The following CDK6 variants were observed in gnomAD, a reference collection of about 807,000 sequenced individuals.
The protein encoded by CDK6 is cyclin dependent kinase 6.
Under a neutral mutation model 37.1 loss-of-function variants are expected in CDK6, and 6 were observed. That is an observed-to-expected ratio of 0.16 (90% CI 0.09 to 0.32). The LOEUF is 0.32. Among genes scored for constraint, CDK6 ranks in the 10% least tolerant of loss-of-function variants. CDK6 has a pLI of 1.00. For missense variants in CDK6, 224 were observed against 418.9 expected, an observed-to-expected ratio of 0.53 and a Z score of 4.06; for synonymous variants, 160 against 161.3, an observed-to-expected ratio of 0.99 and a Z score of 0.06.
chr7:92,679,506 C>G (rs762716355), intron 4 of CDK6, among the ~76,000 whole-genome samples: 2 of 152,166 alleles, frequency 1.3e-5, no homozygotes, highest in Admixed American at 1.3e-4. Context: ...AATGGTTTAT[C>G]AGGAATATAA....
At chr7:92,787,980 T>C (rs1205415197) in intron 2 of CDK6, among the ~76,000 whole-genome samples, 1 of 152,162 alleles carries the variant, frequency 6.6e-6, no homozygotes, top group Non-Finnish European at 1.5e-5. Context: ...ATTATTGTGT[T>C]GAGAACTAAG....
intron 5 of CDK6, among the ~76,000 whole-genome samples, chr7:92,648,139 G>A (rs1048200202): frequency 2.0e-5 from 3 of 152,064 alleles, no homozygotes; most frequent in South Asian, 2.1e-4. Flanking sequence ...GCTTGCAGGT[G>A]TCATCTGCCC....
chr7:92,735,179 TC>T (rs935696140), intron 3 of CDK6, among the ~76,000 whole-genome samples: 5 of 152,370 alleles, frequency 3.3e-5, no homozygotes, highest in African/African-American at 9.6e-5. Context: ...TAAGTTCCGT[TC>T]AACTCAGCCA....
chr7:92,760,658 C>T (rs1181431021), intron 3 of CDK6, among the ~76,000 whole-genome samples: 1 of 152,030 alleles, frequency 6.6e-6, no homozygotes, highest in African/African-American at 2.4e-5. Flanking sequence ...GGCACTAACC[C>T]ATTGTAAACA....
chr7:92,651,265 G>T lies in CDK6; in HGVS notation c.647+20161C>A, dbSNP rs1585369592. Reference sequence around the variant, plus strand: ...TCCAGAATAATCTCCCTATGGTAAGGTTCATAACCTTAATTACATCCGCAA... The same window carrying T: ...TCCAGAATAATCTCCCTATGGTAAGTTTCATAACCTTAATTACATCCGCAA... On this transcript the variant is annotated intron_variant, in intron 5 of 7. Transcript: ENST00000424848. 2.0e-5 allele frequency among the ~76,000 whole-genome samples: 3 copies of T among 152,210 alleles called. No individual in the cohort carries two copies. The East Asian group carries it at 5.8e-4, about 29-fold the overall frequency.
chr7:92,652,345 T>C (rs1373427088), intron 5 of CDK6, among the ~76,000 whole-genome samples: 5 of 152,210 alleles, frequency 3.3e-5, no homozygotes, highest in Non-Finnish European at 7.3e-5. Flanking sequence ...TTTTACGTCT[T>C]TATAATTCTT....
At chr7:92,759,484 A>G (rs1344694785) in intron 3 of CDK6, among the ~76,000 whole-genome samples, 2 of 152,046 alleles carry the variant, frequency 1.3e-5, no homozygotes, top group African/African-American at 4.8e-5. Flanking sequence ...TATAGAAATG[A>G]TTTGGTCTGG....
intron 5 of CDK6, among the ~76,000 whole-genome samples, chr7:92,629,666 C>A (rs1218649195): frequency 6.6e-6 from 1 of 152,148 alleles, no homozygotes; most frequent in African/African-American, 2.4e-5. Context: ...GAAATAGTTA[C>A]TTCTCTGAAA....
rs1562980476 is a variant in CDK6 at position 92,833,694 on chromosome 7, A to G, written c.-367-4T>C. ...TCTCAGTCCAGAATCATTGCACCTA[A>G]AGGAGGAGACGGGAGGATAAGAAGA... On this transcript the variant is annotated splice_polypyrimidine_tract_variant and splice_region_variant and intron_variant, in intron 1 of 7. Coordinates refer to ENST00000424848, the MANE Select transcript of CDK6 (RefSeq NM_001145306.2). This position sits in a 1 kb window ranked among gnomAD's most constrained non-coding sequence, Gnocchi z 6.1. The G allele has an allele frequency of 1.6e-5, 7 of 439,980 alleles. No homozygotes were observed. The highest frequency in any genetic ancestry group is 2.1e-5 in the African/African-American group (1 of 48,720). 27.3% of individuals were successfully genotyped at this position (439,980 alleles called of 1,614,324 possible). A position where few individuals can be genotyped will look rare whatever the true frequency, so the allele number is the denominator to read the frequency against.
chr7:92,672,410 G>A (rs1333042942), intron 4 of CDK6, among the ~76,000 whole-genome samples: 1 of 151,652 alleles, frequency 6.6e-6, no homozygotes, highest in African/African-American at 2.4e-5. Context: ...GAACTTAAGA[G>A]AGAATGTGTA....
chr7:92,778,403 A>G (rs919701839), intron 2 of CDK6, among the ~76,000 whole-genome samples: 5 of 152,222 alleles, frequency 3.3e-5, no homozygotes, highest in African/African-American at 1.2e-4. Flanking sequence ...AATTATTCCA[A>G]TAAAGTAAAA....
At chr7:92,737,768 A>G (rs1037450231) in intron 3 of CDK6, among the ~76,000 whole-genome samples, 2 of 152,220 alleles carry the variant, frequency 1.3e-5, no homozygotes, top group African/African-American at 4.8e-5. Flanking sequence ...CAATACAGAG[A>G]GGGGGAGAGG....
In CDK6 at chr7:92,614,357, TGTCATACAGAAG is replaced by T. The variant is rs940145062; in HGVS notation, c.*771_*782del. The T allele has an allele frequency of 1.4e-5, 3 of 211,112 alleles. No individual in the cohort carries two copies. Among genetic ancestry groups the T allele is most frequent in the Non-Finnish European group, 2.6e-5 (3 of 117,568 alleles). 13.1% of individuals were successfully genotyped at this position (211,112 alleles called of 1,614,324 possible). On this transcript the variant is annotated 3_prime_UTR_variant, in exon 8 of 8. Coordinates refer to ENST00000424848, the MANE Select transcript of CDK6 (RefSeq NM_001145306.2). Reference sequence around the variant, plus strand: ...TTCCAAAAGAAATGATAAAGCATGATGTCATACAGAAGGTTAAAATAGACTTACAACAAGTAA... The same window carrying T: ...TTCCAAAAGAAATGATAAAGCATGATGTTAAAATAGACTTACAACAAGTAA...
At chr7:92,711,321 A>G (rs1018271867) in intron 4 of CDK6, among the ~76,000 whole-genome samples, 3 of 152,148 alleles carry the variant, frequency 2.0e-5, no homozygotes, top group African/African-American at 7.2e-5. Context: ...GCCTAGGATA[A>G]ATAAATGGAA....
chr7:92,611,120 C>T lies in CDK6; in HGVS notation c.*4020G>A, dbSNP rs1795553739. 1 of 226,684 alleles carries T rather than the reference C, an allele frequency of 4.4e-6. No homozygotes were observed. The highest frequency in any genetic ancestry group is 8.8e-6 in the Non-Finnish European group (1 of 114,192). 14.0% of individuals were successfully genotyped at this position (226,684 alleles called of 1,614,324 possible). A position where few individuals can be genotyped will look rare whatever the true frequency, so the allele number is the denominator to read the frequency against. ...TAGCTTTGAAACTACCCTTTAAATA[C>T]CTTCATTTTCTCCAGAATTTCCTTT... On this transcript the variant is annotated 3_prime_UTR_variant, in exon 8 of 8. Coordinates refer to ENST00000424848, the MANE Select transcript of CDK6 (RefSeq NM_001145306.2).
chr7:92,790,117 C>A (rs1015206302), intron 2 of CDK6, among the ~76,000 whole-genome samples: 30 of 152,294 alleles, frequency 2.0e-4, no homozygotes, highest in Non-Finnish European at 3.5e-4. Context: ...ATCTCTTGGA[C>A]AACTTCAACC....
intron 2 of CDK6, among the ~76,000 whole-genome samples, chr7:92,791,778 C>T (rs537345812): frequency 1.3e-5 from 2 of 152,120 alleles, no homozygotes; most frequent in East Asian, 3.9e-4. Context: ...TTGGCATGGT[C>T]CTGGCAGAAG....
Position 92,643,107 on chromosome 7 carries a change from G to A in CDK6, c.648-20021C>T, listed in dbSNP as rs950301180. Among the ~76,000 whole-genome samples, 41 of 152,208 alleles carry A rather than the reference G, an allele frequency of 2.7e-4. 2 individuals carry two copies. Among genetic ancestry groups the A allele is most frequent in the Non-Finnish European group, 5.9e-5 (4 of 68,016 alleles). ...TGGCCATGTTGCCCAGGATGGTCTC[G>A]AACTCCTGGACTCAAGTGATCTGCT... On this transcript the variant is annotated intron_variant, in intron 5 of 7. Coordinates refer to ENST00000424848, the MANE Select transcript of CDK6 (RefSeq NM_001145306.2).
chr7:92,750,224 C>G (rs991509980), intron 3 of CDK6, among the ~76,000 whole-genome samples: 2 of 152,176 alleles, frequency 1.3e-5, no homozygotes, highest in Non-Finnish European at 2.9e-5. Flanking sequence ...TGGTTACAGT[C>G]CTAGCACAGT....
Sources: allele counts gnomAD v4.1 joint callset (sites outside exome capture counted in the v4.1 genomes callset), GRCh38; gene constraint gnomAD v4.1.1; non-coding constraint Gnocchi (gnomAD v3.1); transcripts MANE v1.5; gene names NCBI Gene and HGNC (gene_info 2026-07-23, HGNC 2026-07-21).